Variants in TLE4 observed in about 807,000 individuals in gnomAD.
The protein encoded by TLE4 is transducin-like enhancer protein 4.
In TLE4, 8 loss-of-function variants were observed where a neutral mutation model predicts 92.8. The ratio of observed to expected loss-of-function variants is 0.09; its 90% CI spans 0.05 to 0.16. The LOEUF is 0.16. Among genes scored for constraint, TLE4 ranks in the 10% least tolerant of loss-of-function variants. TLE4 has a pLI of 1.00. For synonymous variants in TLE4, 371 were observed against 374.1 expected (o/e 0.99, Z 0.10); for missense variants, 675 against 997.6 (o/e 0.68, Z 4.36).
intron 4 of TLE4, among the ~76,000 whole-genome samples, chr9:79,579,407 G>GGATATA (rs1198423480): frequency 6.6e-6 from 1 of 152,134 alleles, no homozygotes; most frequent in Non-Finnish European, 1.5e-5. Context: ...AGTGAGTATT[G>GGATATA]GATATAGATT....
Position 79,708,738 on chromosome 9 carries a change from A to AGCT in TLE4, c.1221_1223dup (p.Ala415dup), listed in dbSNP as rs760923767. The AGCT allele has an allele frequency of 3.7e-6, 6 of 1,610,626 alleles. No homozygotes were observed. The South Asian group carries it at 5.5e-5, about 15-fold the overall frequency. Reference sequence around the variant, plus strand: ...ACAACATCTCCCCTCAGATGAGCGCAGCTGCTGCCGCCGCCGCTGCTGCTG... The same window carrying AGCT: ...ACAACATCTCCCCTCAGATGAGCGCAGCTGCTGCTGCCGCCGCCGCTGCTGCTG... On this transcript the variant is annotated inframe_insertion, in exon 13 of 20. Transcript: ENST00000376552.
chr9:79,681,584 A>G (rs1479113921), intron 8 of TLE4, among the ~76,000 whole-genome samples: 2 of 152,160 alleles, frequency 1.3e-5, no homozygotes, highest in African/African-American at 2.4e-5. Context: ...GAATGTCCAC[A>G]TTAAGGACAT....
chr9:79,640,568 T>C (rs955096072), intron 6 of TLE4, among the ~76,000 whole-genome samples: 2 of 152,078 alleles, frequency 1.3e-5, no homozygotes, highest in Non-Finnish European at 2.9e-5. Flanking sequence ...CCTAGTTACT[T>C]ATGTTCCAAA....
At chr9:79,593,266 A>T (rs2043133821) in intron 4 of TLE4, among the ~76,000 whole-genome samples, 1 of 152,210 alleles carries the variant, frequency 6.6e-6, no homozygotes, top group Non-Finnish European at 1.5e-5. Context: ...TTCAACTGTC[A>T]GAAACATACG....
chr9:79,630,748 G>A (rs896966021), intron 6 of TLE4, among the ~76,000 whole-genome samples: 20 of 152,266 alleles, frequency 1.3e-4, no homozygotes, highest in Non-Finnish European at 2.5e-4. Context: ...ATCTTAAAAT[G>A]CTTTTTAAAT....
chr9:79,706,543 A>G (rs927364963), intron 10 of TLE4, among the ~76,000 whole-genome samples: 2 of 152,068 alleles, frequency 1.3e-5, no homozygotes, highest in Non-Finnish European at 2.9e-5. Flanking sequence ...TGGGTTTTAA[A>G]TAAGTACTAT....
chr9:79,654,224 T>TGTTTTTTTCA, intron 8 of TLE4, 149 bp downstream of exon 8: 1 of 738,826 alleles, frequency 1.4e-6, no homozygotes, highest in Admixed American at 3.5e-5. Context: ...TTCAGGTGTG[T>TGTTTTTTTCA]GGTTGATTTT....
intron 4 of TLE4, among the ~76,000 whole-genome samples, chr9:79,608,567 C>A (rs1220527034): frequency 6.6e-6 from 1 of 151,922 alleles, no homozygotes; most frequent in Non-Finnish European, 1.5e-5. Context: ...TAAATAGATT[C>A]ATCTTTAAAA....
At chr9:79,703,058 CA>C (rs559085657) in intron 8 of TLE4, among the ~76,000 whole-genome samples, 108 of 137,504 alleles carry the variant, frequency 7.9e-4, no homozygotes, top group Non-Finnish European at 7.5e-4. Flanking sequence ...TAAGATAAAG[CA>C]AAAAAAAAAA....
intron 6 of TLE4, among the ~76,000 whole-genome samples, chr9:79,644,549 C>T (rs1403453658): frequency 6.6e-6 from 1 of 152,208 alleles, no homozygotes; most frequent in Non-Finnish European, 1.5e-5. Context: ...AATAAGGATT[C>T]CAGTGACTCT....
intron 19 of TLE4, among the ~76,000 whole-genome samples, chr9:79,724,376 C>T (rs1473010427): frequency 6.6e-6 from 1 of 152,022 alleles, no homozygotes; most frequent in East Asian, 1.9e-4. Flanking sequence ...GAGGGTTTTT[C>T]ATACCAGTAA....
intron 8 of TLE4, among the ~76,000 whole-genome samples, chr9:79,677,504 T>C (rs553822795): frequency 6.6e-6 from 1 of 152,244 alleles, no homozygotes; most frequent in Non-Finnish European, 1.5e-5. Flanking sequence ...GTTGAAAGTA[T>C]TGGACTATGA....
chr9:79,701,062 G>A (rs2069708915), intron 8 of TLE4, among the ~76,000 whole-genome samples: 1 of 152,074 alleles, frequency 6.6e-6, no homozygotes, highest in Non-Finnish European at 1.5e-5. Context: ...GACTTTATCG[G>A]TATTTATTTA....
chr9:79,637,793 C>T (rs1258679476), intron 6 of TLE4, among the ~76,000 whole-genome samples: 2 of 152,010 alleles, frequency 1.3e-5, no homozygotes, highest in Admixed American at 6.6e-5. Context: ...CATGCTTGGG[C>T]ATTGGGCTGT....
At chr9:79,644,589 T>C (rs2057779603) in intron 6 of TLE4, among the ~76,000 whole-genome samples, 1 of 152,346 alleles carries the variant, frequency 6.6e-6, no homozygotes, top group South Asian at 2.1e-4. Flanking sequence ...GCTTCCCAAA[T>C]GTCAGCCAGA....
intron 5 of TLE4, among the ~76,000 whole-genome samples, chr9:79,626,315 T>C (rs1320574608): frequency 6.6e-6 from 1 of 152,216 alleles, no homozygotes; most frequent in Admixed American, 6.5e-5. Context: ...TTGAGCTTCA[T>C]ACTCATCTCA....
intron 14 of TLE4, among the ~76,000 whole-genome samples, chr9:79,712,632 C>T (rs1487037850): frequency 6.6e-6 from 1 of 152,216 alleles, no homozygotes; most frequent in Admixed American, 6.5e-5. Flanking sequence ...TAATTAAATG[C>T]ATGTTCCAAA....
chr9:79,600,761 A>G (rs143261931), intron 4 of TLE4, among the ~76,000 whole-genome samples: 5 of 152,134 alleles, frequency 3.3e-5, no homozygotes, highest in African/African-American at 1.2e-4. Flanking sequence ...CCTGGCTCTA[A>G]CTGTGTTGTT....
In TLE4 at chr9:79,575,013, G is replaced by A. The variant is rs774440168; in HGVS notation, c.207+77G>A. The A allele has an allele frequency of 4.0e-5, 50 of 1,256,814 alleles. No homozygotes were observed. The Middle Eastern group carries it at 1.1e-3, about 28-fold the overall frequency. The allele number at this position is 1,256,814 out of a possible 1,614,324, so 77.9% of individuals were successfully genotyped here. Reference sequence around the variant, plus strand: ...AAACAAGAATATGTTTAAATTGCTGGGGGCTGCAAGATAGATCACAGTCAC... The same window carrying A: ...AAACAAGAATATGTTTAAATTGCTGAGGGCTGCAAGATAGATCACAGTCAC... On this transcript the variant is annotated intron_variant, in intron 3 of 19. Coordinates refer to ENST00000376552, the MANE Select transcript of TLE4 (RefSeq NM_007005.6).
Sources: gnomAD v4.1 joint callset for allele counts (sites outside exome capture counted in the v4.1 genomes callset) on GRCh38, gnomAD v4.1.1 for gene constraint, MANE v1.5 for transcripts, NCBI Gene and HGNC (gene_info 2026-07-23, HGNC 2026-07-21) for gene names.